The following COG5 variants were observed in gnomAD, a reference collection of about 807,000 sequenced individuals.
COG5 encodes the protein conserved oligomeric Golgi complex subunit 5.
Under a neutral mutation model 110.4 loss-of-function variants are expected in COG5, and 86 were observed. The observed-to-expected ratio is 0.78, with a 90% CI of 0.65 to 0.93. The LOEUF (loss-of-function observed/expected upper bound fraction) is 0.93, where lower values mean the gene tolerates loss of function less well. COG5 is among the 40% of genes least tolerant of loss of function. The probability of loss-of-function intolerance (pLI) is 0.00; values close to 1 mark genes in which losing one functional copy is unlikely to be tolerated. For synonymous variants in COG5, 360 were observed against 334.6 expected (o/e 1.08, Z -0.83); for missense variants, 1,077 against 987.0 (o/e 1.09, Z -1.22).
chr7:107,401,200 T>C (rs551622555), intron 7 of COG5, among the ~76,000 whole-genome samples: 1 of 152,204 alleles, frequency 6.6e-6, no homozygotes, highest in East Asian at 1.9e-4. Flanking sequence ...TATGTAAGAG[T>C]TCAAATTAAT....
Position 107,496,675 on chromosome 7 carries a change from C to CA in COG5, c.538+30561dup, listed in dbSNP as rs1234633978. On this transcript the variant is annotated intron_variant, in intron 6 of 21. Transcript: ENST00000297135. The stretch of plus-strand genomic sequence containing the variant: ...TCTGTCTCAAAAAAAAAACAAAAAA[C>CA]AAAAAACAAAAAAACAATCAATATA... Among the ~76,000 whole-genome samples, 283 of 140,304 alleles carry CA rather than the reference C, an allele frequency of 2.0e-3. 6 individuals carry two copies. The highest frequency in any genetic ancestry group is 2.6e-3 in the Non-Finnish European group (166 of 64,294). 92.0% of individuals were successfully genotyped at this position (140,304 alleles called of 152,430 possible).
At chr7:107,421,169 T>TA (rs1177598273) in intron 6 of COG5, among the ~76,000 whole-genome samples, 3 of 152,180 alleles carry the variant, frequency 2.0e-5, no homozygotes, top group African/African-American at 7.2e-5. Flanking sequence ...CATTATACTT[T>TA]AAAAACATGA....
At chr7:107,248,918 T>C (rs1477202592) in intron 16 of COG5, among the ~76,000 whole-genome samples, 2 of 152,210 alleles carry the variant, frequency 1.3e-5, no homozygotes, top group African/African-American at 4.8e-5. Flanking sequence ...AGAGTGAATA[T>C]AATAAACAGA....
chr7:107,316,087 C>T (rs1012038165), intron 11 of COG5, among the ~76,000 whole-genome samples: 1 of 152,110 alleles, frequency 6.6e-6, no homozygotes, highest in South Asian at 2.1e-4. Context: ...GTTGAGAAAT[C>T]AACAGAATGA....
chr7:107,470,875 A>T (rs1286326467), intron 6 of COG5, among the ~76,000 whole-genome samples: 3 of 151,978 alleles, frequency 2.0e-5, no homozygotes, highest in African/African-American at 7.2e-5. Flanking sequence ...TACCTTTTGT[A>T]TTTCAACCAC....
chr7:107,468,969 A>G (rs1796466409), intron 6 of COG5, among the ~76,000 whole-genome samples: 1 of 150,982 alleles, frequency 6.6e-6, no homozygotes, highest in African/African-American at 2.4e-5. Context: ...AAATTAACAG[A>G]AATTTAATTT....
chr7:107,288,663 T>C (rs1029000368), intron 12 of COG5, among the ~76,000 whole-genome samples: 2 of 152,002 alleles, frequency 1.3e-5, no homozygotes, highest in African/African-American at 4.8e-5. Flanking sequence ...CTTTTTATTG[T>C]TGAATTGAAA....
intron 7 of COG5, among the ~76,000 whole-genome samples, chr7:107,398,444 T>C (rs1269899102): frequency 6.6e-6 from 1 of 152,158 alleles, no homozygotes; most frequent in Admixed American, 6.6e-5. Context: ...AGCAGCAGCG[T>C]TCGATTCTCA....
intron 11 of COG5, among the ~76,000 whole-genome samples, chr7:107,316,657 C>CA (rs760555445): frequency 0.092 from 7,016 of 75,922 alleles, 487 homozygotes; most frequent in African/African-American, 0.25. Flanking sequence ...ACTAAAAATA[C>CA]AAAAAAAAAA....
At chr7:107,204,341 G>C (rs929644125) in intron 21 of COG5, among the ~76,000 whole-genome samples, 4 of 152,178 alleles carry the variant, frequency 2.6e-5, no homozygotes, top group African/African-American at 9.7e-5. Flanking sequence ...AGTTGAGGCA[G>C]AGACCATGTG....
At chr7:107,534,353 T>C (rs1291266286) in intron 5 of COG5, among the ~76,000 whole-genome samples, 2 of 151,566 alleles carry the variant, frequency 1.3e-5, no homozygotes, top group South Asian at 2.1e-4. Flanking sequence ...AATGCTCCAA[T>C]TAAAAGGCAC....
intron 6 of COG5, among the ~76,000 whole-genome samples, chr7:107,511,663 C>T (rs569587568): frequency 8.5e-5 from 13 of 152,226 alleles, no homozygotes; most frequent in East Asian, 5.8e-4. Flanking sequence ...ACTGGCAAAC[C>T]GAATCCAGCA....
chr7:107,397,559 A>G (rs1276478874), intron 7 of COG5, among the ~76,000 whole-genome samples: 1 of 152,244 alleles, frequency 6.6e-6, no homozygotes, highest in African/African-American at 2.4e-5. Flanking sequence ...GAAAAACAAA[A>G]GAATAAAATC....
At chr7:107,224,060 G>A (rs1296812771) in intron 19 of COG5, among the ~76,000 whole-genome samples, 2 of 152,210 alleles carry the variant, frequency 1.3e-5, no homozygotes. Context: ...CCAAGATGGT[G>A]GTTGCCTTCT....
chr7:107,249,718 G>C (rs1802346694), intron 16 of COG5, among the ~76,000 whole-genome samples: 1 of 151,318 alleles, frequency 6.6e-6, no homozygotes, highest in Non-Finnish European at 1.5e-5. Flanking sequence ...GTGTGTGTGT[G>C]TGTGTGTGTG....
chr7:107,515,464 G>A (rs751338133), intron 6 of COG5, among the ~76,000 whole-genome samples: 8 of 152,060 alleles, frequency 5.3e-5, no homozygotes, highest in African/African-American at 1.4e-4. Context: ...GTAGAGAATC[G>A]TTCTAACATT....
intron 7 of COG5, among the ~76,000 whole-genome samples, chr7:107,397,381 A>C (rs867539517): frequency 1.2e-4 from 19 of 152,340 alleles, no homozygotes; most frequent in African/African-American, 3.4e-4. Flanking sequence ...CTTGTTGAAT[A>C]GTTGAAACAA....
chr7:107,236,225 T>C (rs1801177705), intron 18 of COG5, among the ~76,000 whole-genome samples: 1 of 152,004 alleles, frequency 6.6e-6, no homozygotes, highest in Non-Finnish European at 1.5e-5. Context: ...AACCTTGAAA[T>C]ACCAAAGAGA....
At chr7:107,329,704 C>T (rs554179204) in intron 10 of COG5, among the ~76,000 whole-genome samples, 2 of 150,712 alleles carry the variant, frequency 1.3e-5, no homozygotes, top group African/African-American at 4.9e-5. Flanking sequence ...CCATCCTTGG[C>T]AACAGCGAGA....
Sources: allele counts gnomAD v4.1 joint callset (sites outside exome capture counted in the v4.1 genomes callset), GRCh38; gene constraint gnomAD v4.1.1; transcripts MANE v1.5; gene names NCBI Gene and HGNC (gene_info 2026-07-23, HGNC 2026-07-21).